Variants in IPO11 observed in about 807,000 individuals in gnomAD.
The protein encoded by IPO11 is importin 11, also known as importin-11.
IPO11 carries 66 observed loss-of-function variants against 143.2 expected under a neutral mutation model. The observed-to-expected ratio is 0.46, with a 90% CI of 0.38 to 0.57. The LOEUF (loss-of-function observed/expected upper bound fraction) is 0.57, where lower values mean the gene tolerates loss of function less well. Among genes scored for constraint, IPO11 ranks in the 20% least tolerant of loss-of-function variants. IPO11 has a pLI of 0.00. For synonymous variants in IPO11, 385 were observed against 377.8 expected, an observed-to-expected ratio of 1.02 and a Z score of -0.22; for missense variants, 1,026 against 1,141.0, an observed-to-expected ratio of 0.90 and a Z score of 1.45.
chr5:62,521,495 G>C (rs1742198836), intron 20 of IPO11, among the ~76,000 whole-genome samples: 1 of 151,892 alleles, frequency 6.6e-6, no homozygotes, highest in Non-Finnish European at 1.5e-5. Flanking sequence ...CTGGCAACTT[G>C]TGTGATCATC....
At chr5:62,497,903 A>G (rs1384252816) in intron 16 of IPO11, among the ~76,000 whole-genome samples, 1 of 152,140 alleles carries the variant, frequency 6.6e-6, no homozygotes, top group African/African-American at 2.4e-5. Context: ...AATAATACGT[A>G]GTTTTCTTTG....
chr5:62,611,274 A>G (rs1362670210), intron 29 of IPO11, among the ~76,000 whole-genome samples: 1 of 152,202 alleles, frequency 6.6e-6, no homozygotes, highest in South Asian at 2.1e-4. Flanking sequence ...ATCCAAGAAG[A>G]TAGGAAATAA....
intron 27 of IPO11, among the ~76,000 whole-genome samples, chr5:62,565,860 A>T (rs981470113): frequency 2.1e-5 from 3 of 145,730 alleles, no homozygotes; most frequent in African/African-American, 7.7e-5. Context: ...ACTCCCACTT[A>T]TGAGTGAGAG....
At chr5:62,579,853 T>A in intron 27 of IPO11, 1 of 1,549,230 alleles carries the variant, frequency 6.5e-7, no homozygotes, top group South Asian at 1.2e-5. Flanking sequence ...TAATTTATAT[T>A]TACAGTATAA....
At chr5:62,453,159 CTTCT>C (rs775760181) in intron 5 of IPO11, among the ~76,000 whole-genome samples, 15 of 150,930 alleles carry the variant, frequency 9.9e-5, no homozygotes, top group Non-Finnish European at 1.9e-4. Context: ...AAAGATTTTT[CTTCT>C]TTCTTTTTCT....
intron 5 of IPO11, among the ~76,000 whole-genome samples, chr5:62,455,604 C>T (rs752686846): frequency 6.6e-6 from 1 of 152,146 alleles, no homozygotes; most frequent in Non-Finnish European, 1.5e-5. Flanking sequence ...AAAATTGCTA[C>T]CTGCGGCTCA....
At chr5:62,580,148 A>G in intron 27 of IPO11, 3 of 1,551,222 alleles carry the variant, frequency 1.9e-6, no homozygotes. Context: ...TCTTTGTCTC[A>G]TAATCCTATT....
Position 62,418,984 on chromosome 5 carries a change from G to GT in IPO11, c.-7+6057dup, listed in dbSNP as rs1024556998. 20 of 1,543,168 alleles carry GT rather than the reference G, an allele frequency of 1.3e-5. No individual in the cohort carries two copies. The African/African-American group carries it at 2.7e-4, about 21-fold the overall frequency. On this transcript the variant is annotated intron_variant, in intron 1 of 29. Transcript: ENST00000325324. The stretch of plus-strand genomic sequence containing the variant: ...AAATGGGTCGTTAGGCAATTTTGTT[G>GT]TTCTATGAACATCATATGAACAAAC...
At chr5:62,527,566 G>GA (rs1461943303) in intron 21 of IPO11, among the ~76,000 whole-genome samples, 1 of 152,050 alleles carries the variant, frequency 6.6e-6, no homozygotes, top group Non-Finnish European at 1.5e-5. Context: ...TTGAATGTTA[G>GA]AAAAAATCCA....
At chr5:62,560,077 A>G (rs183169783) in intron 26 of IPO11, among the ~76,000 whole-genome samples, 2 of 152,284 alleles carry the variant, frequency 1.3e-5, no homozygotes, top group East Asian at 3.9e-4. Context: ...CAAGACAATT[A>G]AAGGTACCCT....
At chr5:62,477,676 C>T (rs544858305) in intron 9 of IPO11, among the ~76,000 whole-genome samples, 1 of 152,300 alleles carries the variant, frequency 6.6e-6, no homozygotes, top group African/African-American at 2.4e-5. Context: ...CACTTGCCTG[C>T]GGCTCTGCTG....
intron 24 of IPO11, among the ~76,000 whole-genome samples, chr5:62,541,996 T>C (rs1742965541): frequency 6.6e-6 from 1 of 152,142 alleles, no homozygotes; most frequent in South Asian, 2.1e-4. Context: ...TAAAATCACT[T>C]AAGCTGAGGA....
At chr5:62,459,068 C>T (rs964343720) in intron 5 of IPO11, among the ~76,000 whole-genome samples, 10 of 152,150 alleles carry the variant, frequency 6.6e-5, no homozygotes, top group African/African-American at 2.2e-4. Context: ...AGGTAAGGGC[C>T]CACCCAGGGA....
intron 1 of IPO11, chr5:62,419,224 C>T: frequency 7.7e-7 from 1 of 1,306,298 alleles, no homozygotes; most frequent in South Asian, 1.7e-5. Flanking sequence ...AGGGCACTTA[C>T]CTCGAATGGA....
intron 26 of IPO11, among the ~76,000 whole-genome samples, chr5:62,554,742 G>A (rs911833127): frequency 6.6e-6 from 1 of 151,922 alleles, no homozygotes; most frequent in African/African-American, 2.4e-5. Flanking sequence ...GGGAGACAGA[G>A]TCTAGCTCTG....
intron 16 of IPO11, among the ~76,000 whole-genome samples, chr5:62,501,714 T>C (rs1352762772): frequency 3.3e-5 from 5 of 152,214 alleles, no homozygotes; most frequent in African/African-American, 1.2e-4. Flanking sequence ...GTATTTCTTA[T>C]GCCTAGCGTG....
chr5:62,419,230 A>G (rs1238395817), intron 1 of IPO11: 3 of 1,281,948 alleles, frequency 2.3e-6, no homozygotes, highest in South Asian at 1.8e-5. Flanking sequence ...CTTACCTCGA[A>G]TGGAGCTTGG....
chr5:62,478,188 T>G (rs929967204), intron 9 of IPO11, among the ~76,000 whole-genome samples: 1 of 152,106 alleles, frequency 6.6e-6, no homozygotes, highest in African/African-American at 2.4e-5. Flanking sequence ...TTTTCTGAGA[T>G]GGGGTCTGAC....
At chr5:62,553,497 A>T (rs1276679178) in intron 26 of IPO11, among the ~76,000 whole-genome samples, 1 of 152,118 alleles carries the variant, frequency 6.6e-6, no homozygotes, top group African/African-American at 2.4e-5. Flanking sequence ...TCTTTTGGAG[A>T]TGTATATATC....
Sources: allele counts gnomAD v4.1 joint callset (sites outside exome capture counted in the v4.1 genomes callset), GRCh38; gene constraint gnomAD v4.1.1; transcripts MANE v1.5; gene names NCBI Gene and HGNC (gene_info 2026-07-23, HGNC 2026-07-21).